MND1: variants seen among roughly 807,000 people sequenced by gnomAD.
The protein encoded by MND1 is meiotic nuclear divisions 1, also known as meiotic nuclear division protein 1 homolog.
A neutral mutation model predicts 35.1 loss-of-function variants in MND1; 28 were observed. That is an observed-to-expected ratio of 0.80 (90% CI 0.59 to 1.09). MND1 has a LOEUF of 1.09. Ranked by LOEUF, MND1 falls within the 50% of genes least tolerant of loss-of-function variation. MND1 has a pLI of 0.00. For missense variants in MND1, 213 were observed against 239.6 expected, an observed-to-expected ratio of 0.89 and a Z score of 0.73; for synonymous variants, 69 against 70.5, an observed-to-expected ratio of 0.98 and a Z score of 0.11.
At chr4:153,344,948 T>C (rs995582285) in intron 1 of MND1, among the ~76,000 whole-genome samples, 1 of 152,116 alleles carries the variant, frequency 6.6e-6, no homozygotes, top group Non-Finnish European at 1.5e-5. Flanking sequence ...GCCGCTCCTG[T>C]CCGGAGTCCC....
At chr4:153,375,778 T>A (rs1384896986) in intron 4 of MND1, among the ~76,000 whole-genome samples, 1 of 152,150 alleles carries the variant, frequency 6.6e-6, no homozygotes, top group East Asian at 1.9e-4. Flanking sequence ...AAGCAAAAAA[T>A]TTTCCTTCTC....
chr4:153,405,403 G>A (rs953980853), intron 6 of MND1, among the ~76,000 whole-genome samples: 5 of 152,216 alleles, frequency 3.3e-5, no homozygotes, highest in South Asian at 2.1e-4. Context: ...GCCAGGCGTG[G>A]TGGGTGCCTG....
At chr4:153,353,564 A>G (rs960321608) in intron 2 of MND1, among the ~76,000 whole-genome samples, 2 of 150,856 alleles carry the variant, frequency 1.3e-5, no homozygotes, top group Non-Finnish European at 3.0e-5. Flanking sequence ...CGATTATTTT[A>G]ATCTAGTTGG....
intron 4 of MND1, among the ~76,000 whole-genome samples, chr4:153,391,199 T>G (rs1181620383): frequency 2.6e-5 from 4 of 152,038 alleles, no homozygotes; most frequent in Admixed American, 2.6e-4. Flanking sequence ...AGTATCACCC[T>G]GTTGCCCAGG....
At chr4:153,359,809 C>T (rs145922450) in intron 4 of MND1, among the ~76,000 whole-genome samples, 3,144 of 93,664 alleles carry the variant, frequency 0.034, 60 homozygotes, top group Middle Eastern at 0.13. Context: ...TTTTGTGAGA[C>T]GGAGTTTCAC....
intron 4 of MND1, among the ~76,000 whole-genome samples, chr4:153,387,049 T>C: frequency 6.6e-6 from 1 of 152,198 alleles, no homozygotes; most frequent in East Asian, 1.9e-4. Flanking sequence ...AACAGGAAAA[T>C]AATTTTTAAA....
chr4:153,401,999 A>G (rs2149656599), intron 6 of MND1, among the ~76,000 whole-genome samples: 1 of 152,272 alleles, frequency 6.6e-6, no homozygotes, highest in South Asian at 2.1e-4. Context: ...TATTAAAAAT[A>G]CAACAATTAG....
At chr4:153,361,897 T>G (rs920895802) in intron 4 of MND1, among the ~76,000 whole-genome samples, 2 of 152,132 alleles carry the variant, frequency 1.3e-5, no homozygotes, top group African/African-American at 4.8e-5. Flanking sequence ...TGTTCCCTAA[T>G]AGCTCTGTTC....
At chr4:153,382,683 G>A (rs1348811227) in intron 4 of MND1, among the ~76,000 whole-genome samples, 1 of 152,164 alleles carries the variant, frequency 6.6e-6, no homozygotes, top group African/African-American at 2.4e-5. Context: ...AGTAGAAATT[G>A]TAGTTTAAAC....
rs1174046939 is a variant in MND1 at position 153,414,859 on chromosome 4, A to T, written c.*2A>T. 16 of 1,290,130 alleles carry T rather than the reference A, an allele frequency of 1.2e-5. No homozygotes were observed. Among genetic ancestry groups the T allele is most frequent in the Non-Finnish European group, 1.1e-6 (1 of 923,610 alleles). The allele number at this position is 1,290,130 out of a possible 1,614,324, so 79.9% of individuals were successfully genotyped here. A position where few individuals can be genotyped will look rare whatever the true frequency, so the allele number is the denominator to read the frequency against. On this transcript the variant is annotated 3_prime_UTR_variant, in exon 8 of 8. Transcript: ENST00000240488. ...GAAGACTTTGACTACATAGACTAAA[A>T]TATTCCATGGTGGTGAAGGATGTAC...
intron 6 of MND1, among the ~76,000 whole-genome samples, chr4:153,408,447 T>TA (rs1369165973): frequency 6.6e-6 from 1 of 151,994 alleles, no homozygotes; most frequent in African/African-American, 2.4e-5. Context: ...ATAATATACA[T>TA]ACAGATACAT....
intron 4 of MND1, among the ~76,000 whole-genome samples, chr4:153,382,973 C>T (rs1379876894): frequency 1.3e-5 from 2 of 152,138 alleles, no homozygotes; most frequent in African/African-American, 4.8e-5. Context: ...CCCATTCTTT[C>T]CCAATGCTCT....
chr4:153,345,017 C>T (rs1298093173), intron 1 of MND1, among the ~76,000 whole-genome samples: 2 of 152,240 alleles, frequency 1.3e-5, no homozygotes, highest in Non-Finnish European at 2.9e-5. Flanking sequence ...GTCCCCAGGG[C>T]CCGTTCGGGC....
chr4:153,352,336 TA>T (rs1377893565), intron 2 of MND1, among the ~76,000 whole-genome samples: 1 of 152,124 alleles, frequency 6.6e-6, no homozygotes, highest in Non-Finnish European at 1.5e-5. Flanking sequence ...GCTAATGTAA[TA>T]AATTATTTGC....
At chr4:153,413,098 C>T (rs927651914) in intron 7 of MND1, among the ~76,000 whole-genome samples, 1 of 152,080 alleles carries the variant, frequency 6.6e-6, no homozygotes, top group African/African-American at 2.4e-5. Context: ...CCCCAATGAC[C>T]TCATTTTAAC....
intron 4 of MND1, among the ~76,000 whole-genome samples, chr4:153,368,675 C>T (rs369848136): frequency 1.3e-5 from 2 of 152,006 alleles, no homozygotes; most frequent in Admixed American, 6.6e-5. Flanking sequence ...AATGACAGAG[C>T]CTGGAAAAAA....
At chr4:153,383,397 G>A (rs10014978) in intron 4 of MND1, among the ~76,000 whole-genome samples, 50,631 of 152,050 alleles carry the variant, frequency 0.33, 9,313 homozygotes, top group African/African-American at 0.49. Context: ...GGAGTGTCCA[G>A]CAGGGACACC....
intron 1 of MND1, 137 bp from the exon 2 acceptor site, chr4:153,349,927 T>G (rs921269602): frequency 5.2e-6 from 3 of 578,870 alleles, no homozygotes; most frequent in African/African-American, 3.8e-5. Context: ...TTAAAATGAG[T>G]CTTTAGGTCT....
chr4:153,356,915 C>T (rs1026849496), intron 3 of MND1, among the ~76,000 whole-genome samples: 5 of 152,066 alleles, frequency 3.3e-5, no homozygotes, highest in African/African-American at 7.2e-5. Context: ...CTCTGTCTCC[C>T]GGGTTCAAGC....
Sources: gnomAD v4.1 joint callset for allele counts (sites outside exome capture counted in the v4.1 genomes callset) on GRCh38, gnomAD v4.1.1 for gene constraint, MANE v1.5 for transcripts, NCBI Gene and HGNC (gene_info 2026-07-23, HGNC 2026-07-21) for gene names.